The following PRKACA variants were observed in gnomAD, a reference collection of about 807,000 sequenced individuals.
PRKACA encodes the protein cAMP-dependent protein kinase catalytic subunit alpha.
Under a neutral mutation model 45.8 loss-of-function variants are expected in PRKACA, and 9 were observed. The observed-to-expected ratio is 0.20, with a 90% CI of 0.12 to 0.34. The LOEUF (loss-of-function observed/expected upper bound fraction) is 0.34. Among genes scored for constraint, PRKACA ranks in the 10% least tolerant of loss-of-function variants. The pLI is 1.00. For missense variants in PRKACA, 238 were observed against 458.6 expected, an observed-to-expected ratio of 0.52 and a Z score of 4.39; for synonymous variants, 160 against 178.6, an observed-to-expected ratio of 0.90 and a Z score of 0.83.
chr19:14,107,314 A>G, intron 2 of PRKACA, 34 bp downstream of exon 2: 1 of 1,597,194 alleles, frequency 6.3e-7, no homozygotes, highest in Non-Finnish European at 8.6e-7. Context: ...TTAGCAGCTC[A>G]CCCCTCCCTG....
chr19:14,095,518 C>G (rs1977220088), intron 8 of PRKACA, among the ~76,000 whole-genome samples: 1 of 150,318 alleles, frequency 6.7e-6, no homozygotes, highest in Non-Finnish European at 1.5e-5. Flanking sequence ...TGGCAGATGC[C>G]TCATCTTTCC....
chr19:14,107,411 T>C lies in PRKACA; in HGVS notation c.47-2A>G. 1 of 1,613,828 alleles carries C rather than the reference T, an allele frequency of 6.2e-7. No homozygotes were observed. ...TGGCTTTGGCTAAGAATTCTTTCACTGAAAGGGAGAGAGGGGAGAGTTATA... is the reference window on the plus strand; with the variant it reads ...TGGCTTTGGCTAAGAATTCTTTCACCGAAAGGGAGAGAGGGGAGAGTTATA... On this transcript the variant is annotated splice_acceptor_variant, in intron 1 of 9. Coordinates refer to ENST00000308677, the MANE Select transcript of PRKACA (RefSeq NM_002730.4). LOFTEE classifies it high-confidence loss of function.
chr19:14,111,274 G>A (rs1186003443), intron 1 of PRKACA, among the ~76,000 whole-genome samples: 1 of 152,180 alleles, frequency 6.6e-6, no homozygotes, highest in Non-Finnish European at 1.5e-5. Context: ...GCACATGCCT[G>A]TAATCCCAGC....
At position 14,093,059 on chromosome 19, in the gene PRKACA, A is replaced by T; in HGVS notation, c.*53T>A. 1 of 74,062 alleles carries T rather than the reference A, an allele frequency of 1.4e-5. No homozygotes were observed. 4.6% of individuals were successfully genotyped at this position (74,062 alleles called of 1,614,324 possible). On this transcript the variant is annotated 3_prime_UTR_variant, in exon 10 of 10. Coordinates refer to ENST00000308677, the MANE Select transcript of PRKACA (RefSeq NM_002730.4). ...TCAATCCAACCCTCCCACCCCCCCG[A>T]CCAAAAAAAAGAAAAAAGAAAAAAG...
chr19:14,105,767 C>T (rs747618054), intron 3 of PRKACA, among the ~76,000 whole-genome samples: 28 of 152,220 alleles, frequency 1.8e-4, no homozygotes, highest in Non-Finnish European at 1.5e-4. Context: ...ATGGAGCAAA[C>T]AGAAAATTTA....
chr19:14,103,134 A>T (rs41296280), intron 3 of PRKACA, among the ~76,000 whole-genome samples: 54 of 152,278 alleles, frequency 3.5e-4, no homozygotes, highest in African/African-American at 1.3e-3. Context: ...CAGGGCAAAG[A>T]ATACATGGGT....
At chr19:14,101,807 G>T (rs1381823577) in intron 4 of PRKACA, among the ~76,000 whole-genome samples, 1 of 151,778 alleles carries the variant, frequency 6.6e-6, no homozygotes, top group African/African-American at 2.4e-5. Flanking sequence ...GTTGTGGTGA[G>T]CTGAGATCGC....
At chr19:14,102,947 G>C in intron 3 of PRKACA, 33 bp from the exon 4 acceptor site, 8 of 1,555,974 alleles carry the variant, frequency 5.1e-6, no homozygotes, top group Non-Finnish European at 7.1e-6. Flanking sequence ...GCAGAAAGGA[G>C]GGGGAGGTGA....
chr19:14,100,176 T>C (rs1383484971), intron 5 of PRKACA, among the ~76,000 whole-genome samples: 2 of 151,864 alleles, frequency 1.3e-5, no homozygotes, highest in East Asian at 1.9e-4. Context: ...AAAACCTCAC[T>C]ATGCAGCCCA....
At chr19:14,104,745 C>T (rs184086436) in intron 3 of PRKACA, among the ~76,000 whole-genome samples, 10 of 151,136 alleles carry the variant, frequency 6.6e-5, no homozygotes, top group Admixed American at 2.6e-4. Context: ...TGGTAGCCGG[C>T]GCCTGTAATT....
rs971804560 is a variant in PRKACA, at chr19:14,092,588, C to T, written c.*524G>A. The stretch of plus-strand genomic sequence containing the variant: ...AAATTGTTGTTTTTTTAAAAAAATT[C>T]TAGCAAGCAACCCACTGAACATGTC... On this transcript the variant is annotated 3_prime_UTR_variant, in exon 10 of 10. Coordinates refer to ENST00000308677, the MANE Select transcript of PRKACA (RefSeq NM_002730.4). 1 of 398,578 alleles carries T rather than the reference C, an allele frequency of 2.5e-6. No homozygotes were observed. The highest frequency in any genetic ancestry group is 4.4e-6 in the Non-Finnish European group (1 of 226,050). The allele number at this position is 398,578 out of a possible 1,614,324, so 24.7% of individuals were successfully genotyped here.
chr19:14,099,246 C>T (rs1020987051), intron 5 of PRKACA, among the ~76,000 whole-genome samples: 7 of 152,104 alleles, frequency 4.6e-5, no homozygotes, highest in East Asian at 1.9e-4. Flanking sequence ...GAGCCGAGAT[C>T]GTGCCACTGC....
intron 1 of PRKACA, chr19:14,107,841 C>T: frequency 3.0e-6 from 3 of 995,732 alleles, no homozygotes; most frequent in South Asian, 4.4e-5. Flanking sequence ...AGCAGGTGCC[C>T]TTGGGGGGCT....
chr19:14,104,624 A>G (rs1049122094), intron 3 of PRKACA, among the ~76,000 whole-genome samples: 2 of 149,402 alleles, frequency 1.3e-5, no homozygotes, highest in Non-Finnish European at 3.0e-5. Flanking sequence ...TGAACCCGGG[A>G]GGCAGAGGTT....
chr19:14,100,722 T>C (rs748043530), intron 5 of PRKACA, 104 bp downstream of exon 5: 11 of 1,111,710 alleles, frequency 9.9e-6, no homozygotes, highest in Non-Finnish European at 1.5e-5. Context: ...ACCACCTGCA[T>C]GTTGAAGTAT....
intron 1 of PRKACA, chr19:14,115,308 G>A (rs1416741033): frequency 6.1e-6 from 1 of 163,696 alleles, no homozygotes; most frequent in African/African-American, 2.4e-5. Flanking sequence ...GTTTACATCT[G>A]AACACAAGTG....
At position 14,097,755 on chromosome 19, in the gene PRKACA, G is replaced by A. The variant is rs963549952; in HGVS notation, c.546+9C>T. ...CCCAGGGCTGCCCCTCGCCCGGCCT[G>A]GTGGGCACCTGAATGTAGCCCTGCT... On this transcript the variant is annotated intron_variant, in intron 6 of 9. Coordinates refer to ENST00000308677, the MANE Select transcript of PRKACA (RefSeq NM_002730.4). This position sits in a 1 kb window ranked among gnomAD's most constrained non-coding sequence, Gnocchi z 5.4. 6.2e-7 allele frequency: 1 copy of A among 1,614,170 alleles called. No individual in the cohort carries two copies. Among genetic ancestry groups the A allele is most frequent in the South Asian group, 1.1e-5 (1 of 91,086 alleles).
At chr19:14,103,440 G>A (rs917496836) in intron 3 of PRKACA, among the ~76,000 whole-genome samples, 7 of 152,146 alleles carry the variant, frequency 4.6e-5, no homozygotes, top group African/African-American at 1.2e-4. Context: ...CCATGAGCAG[G>A]CACCTGGCAC....
Position 14,106,877 on chromosome 19 carries a change from G to A in PRKACA, c.120C>T (p.His40=), listed in dbSNP as rs1342684924. 1.2e-6 allele frequency: 2 copies of A among 1,614,210 alleles called. No individual in the cohort carries two copies. The highest frequency in any genetic ancestry group is 1.7e-4 in the Middle Eastern group (1 of 6,060). The change falls in exon 3 of 10, where the codon CAC becomes CAT. Residue 40 remains histidine (H), a synonymous_variant. Coordinates refer to ENST00000308677, the MANE Select transcript of PRKACA (RefSeq NM_002730.4). ...KWESPAQNTA[H]LDQFERIKTL... ...TCTTGATTCGTTCAAACTGATCCAA[G>A]TGGGCTGTGTTCTGTGGGCAGAGGG... is the stretch of plus-strand genomic sequence containing the variant.
Sources: gnomAD v4.1 joint callset for allele counts (sites outside exome capture counted in the v4.1 genomes callset) on GRCh38, gnomAD v4.1.1 for gene constraint, Gnocchi (gnomAD v3.1) non-coding constraint, MANE v1.5 for transcripts, NCBI Gene and HGNC (gene_info 2026-07-23, HGNC 2026-07-21) for gene names.